AVL9: variants seen among roughly 807,000 people sequenced by gnomAD.
AVL9 encodes the protein AVL9 cell migration associated.
Under a neutral mutation model 79.2 loss-of-function variants are expected in AVL9, and 49 were observed. The ratio of observed to expected loss-of-function variants is 0.62; its 90% CI spans 0.49 to 0.79. The LOEUF is 0.79. Among genes scored for constraint, AVL9 ranks in the 30% least tolerant of loss-of-function variants. AVL9 has a pLI of 0.00. For missense variants in AVL9, 682 were observed against 776.8 expected (o/e 0.88, Z 1.45); for synonymous variants, 299 against 280.6 (o/e 1.07, Z -0.65).
intron 13 of AVL9, among the ~76,000 whole-genome samples, chr7:32,580,009 A>G (rs1010734424): frequency 6.6e-6 from 1 of 152,104 alleles, no homozygotes; most frequent in African/African-American, 2.4e-5. Context: ...AAGTGAGGAA[A>G]CTAAAGCTCA....
chr7:32,518,912 CAAG>C (rs892762492), intron 1 of AVL9, among the ~76,000 whole-genome samples: 3 of 152,072 alleles, frequency 2.0e-5, no homozygotes, highest in African/African-American at 7.2e-5. Flanking sequence ...ACTCTTAGTG[CAAG>C]AAGTTTTTAA....
chr7:32,500,569 T>C (rs1787080739), intron 1 of AVL9, among the ~76,000 whole-genome samples: 2 of 152,056 alleles, frequency 1.3e-5, no homozygotes, highest in South Asian at 4.1e-4. Flanking sequence ...TTTGGTTTAA[T>C]TAGAGCTCTT....
rs546989485 is a variant in AVL9 at position 32,552,029 on chromosome 7, G to A, written c.463-200G>A. Among the ~76,000 whole-genome samples the A allele has an allele frequency of 3.2e-3, 494 of 152,234 alleles. 3 individuals carry two copies. The highest frequency in any genetic ancestry group is 5.0e-3 in the Non-Finnish European group (337 of 68,018). ...TAGCTTTTCATACTCAACTGCCCAC[G>A]TCTCTTCTGATACTGCTCATATCCA... On this transcript the variant is annotated intron_variant, in intron 5 of 15. Transcript: ENST00000318709.
In AVL9 at chr7:32,583,873, A is replaced by G. The variant is rs1257137851; in HGVS notation, c.1913A>G (p.Gln638Arg). 4 of 1,614,054 alleles carry G rather than the reference A, an allele frequency of 2.5e-6. No homozygotes were observed. The highest frequency in any genetic ancestry group is 2.7e-5 in the African/African-American group (2 of 75,022). Residue 638 changes from glutamine to arginine, a missense_variant, in exon 16 of 16, where the codon CAA becomes CGA. Gln to Arg is a conservative substitution (Grantham distance 43, BLOSUM62 1). Transcript: ENST00000318709. ...WLSTFTTSTS[Q>R]SLTEPPDEKP The stretch of plus-strand genomic sequence containing the variant: ...TCCACTTTCACCACTTCCACCTCCC[A>G]AAGTCTCACTGAGCCACCAGATGAG...
intron 13 of AVL9, among the ~76,000 whole-genome samples, chr7:32,579,304 T>A (rs1174875857): frequency 9.9e-5 from 6 of 60,810 alleles, no homozygotes; most frequent in Non-Finnish European, 1.1e-4. Context: ...ATTATATATA[T>A]TATATATTAT....
intron 7 of AVL9, 144 bp from the exon 8 acceptor site, chr7:32,554,414 T>G (rs1412219618): frequency 4.6e-6 from 2 of 437,834 alleles, no homozygotes; most frequent in East Asian, 7.1e-5. Context: ...ATTTAACTTC[T>G]CAGTATAAGT....
intron 1 of AVL9, among the ~76,000 whole-genome samples, chr7:32,521,972 T>G (rs1241917260): frequency 1.3e-5 from 2 of 152,212 alleles, no homozygotes; most frequent in African/African-American, 4.8e-5. Context: ...AGCGTCCACA[T>G]GGTGTTGAGC....
intron 2 of AVL9, among the ~76,000 whole-genome samples, chr7:32,544,168 T>C (rs1789356606): frequency 6.6e-6 from 1 of 152,238 alleles, no homozygotes; most frequent in Admixed American, 6.5e-5. Context: ...TTGTCTGTAC[T>C]ATCTATCTGA....
rs1791733904 is a variant in AVL9, at chr7:32,585,470, TTC to T, written c.*1566_*1567del. Reference sequence around the variant, plus strand: ...TTTTCAAGGATACCTGGGATGGCTGTTCTCAGAGAGTACTTACGGGGAACAGA... The same window carrying T: ...TTTTCAAGGATACCTGGGATGGCTGTTCAGAGAGTACTTACGGGGAACAGA... On this transcript the variant is annotated 3_prime_UTR_variant, in exon 16 of 16. Transcript: ENST00000318709. 6.6e-6 allele frequency: 1 copy of T among 152,226 alleles called. No homozygotes were observed. The highest frequency in any genetic ancestry group is 2.4e-5 in the African/African-American group (1 of 41,446). The allele number at this position is 152,226 out of a possible 1,614,324, so 9.4% of individuals were successfully genotyped here. A position where few individuals can be genotyped will look rare whatever the true frequency, so the allele number is the denominator to read the frequency against.
At chr7:32,519,427 CAAA>C (rs60258831) in intron 1 of AVL9, among the ~76,000 whole-genome samples, 2 of 124,826 alleles carry the variant, frequency 1.6e-5, no homozygotes, top group Admixed American at 7.9e-5. Context: ...GACTCTGTCC[CAAA>C]AAAAAAAAAA....
At chr7:32,566,580 AAAC>A (rs1324933427) in intron 10 of AVL9, among the ~76,000 whole-genome samples, 10 of 152,184 alleles carry the variant, frequency 6.6e-5, no homozygotes, top group Non-Finnish European at 4.4e-5. Context: ...CTAGTAGGCC[AAAC>A]AAATGTGACT....
chr7:32,564,845 C>T (rs1790485665), intron 10 of AVL9, among the ~76,000 whole-genome samples: 1 of 152,076 alleles, frequency 6.6e-6, no homozygotes, highest in Admixed American at 6.5e-5. Flanking sequence ...AACTGGGACA[C>T]TGAAGGAGAA....
At chr7:32,543,390 C>A in intron 2 of AVL9, 129 bp downstream of exon 2, 1 of 1,174,758 alleles carries the variant, frequency 8.5e-7, no homozygotes, top group Non-Finnish European at 1.2e-6. Context: ...TATTTACATG[C>A]TTGTTTGGAG....
intron 1 of AVL9, among the ~76,000 whole-genome samples, chr7:32,504,580 C>A (rs998176824): frequency 2.6e-5 from 4 of 152,160 alleles, no homozygotes; most frequent in Admixed American, 2.0e-4. Flanking sequence ...TTATGGACTT[C>A]AGTTTCTTCA....
At chr7:32,543,943 A>C (rs1789343448) in intron 2 of AVL9, among the ~76,000 whole-genome samples, 1 of 146,490 alleles carries the variant, frequency 6.8e-6, no homozygotes, top group South Asian at 2.1e-4. Context: ...GAATCTCACT[A>C]TGTTGCCCTG....
chr7:32,506,960 C>A (rs1787441260), intron 1 of AVL9, among the ~76,000 whole-genome samples: 1 of 151,834 alleles, frequency 6.6e-6, no homozygotes, highest in Admixed American at 6.6e-5. Context: ...ATGCAAAAAT[C>A]CTTAACTAGA....
chr7:32,548,763 A>G, intron 3 of AVL9, 84 bp from the exon 4 acceptor site: 1 of 955,982 alleles, frequency 1.0e-6, no homozygotes, highest in South Asian at 1.9e-5. Flanking sequence ...TTTCTTATAT[A>G]TAATTTCTAT....
intron 13 of AVL9, among the ~76,000 whole-genome samples, chr7:32,579,124 G>A (rs1360540486): frequency 6.7e-6 from 1 of 150,286 alleles, no homozygotes; most frequent in East Asian, 2.0e-4. Context: ...AATTTTATAA[G>A]CAGCTATGGA....
In AVL9 at chr7:32,579,542, ATT is replaced by A. The variant is rs1791362398; in HGVS notation, c.1689-676_1689-675del. Reference sequence around the variant, plus strand: ...TTATATATTATATATTATATTATATATTATATATTATATATTATATTATATAT... The same window carrying A: ...TTATATATTATATATTATATTATATAATATATTATATATTATATTATATAT... On this transcript the variant is annotated intron_variant, in intron 13 of 15. Transcript: ENST00000318709. Among the ~76,000 whole-genome samples, 4 of 5,302 alleles carry A rather than the reference ATT, an allele frequency of 7.5e-4. 1 individual carries two copies. The highest frequency in any genetic ancestry group is 9.2e-4 in the African/African-American group (1 of 1,088). The allele number at this position is 5,302 out of a possible 152,430, so 3.5% of individuals were successfully genotyped here.
Sources: gnomAD v4.1 joint callset for allele counts (sites outside exome capture counted in the v4.1 genomes callset) on GRCh38, gnomAD v4.1.1 for gene constraint, MANE v1.5 for transcripts, NCBI Gene and HGNC (gene_info 2026-07-23, HGNC 2026-07-21) for gene names.